ARID3B: variants seen among roughly 807,000 people sequenced by gnomAD.
The protein encoded by ARID3B is AT-rich interaction domain 3B, also known as AT-rich interactive domain-containing protein 3B.
A neutral mutation model predicts 51.9 loss-of-function variants in ARID3B; 10 were observed. The observed-to-expected ratio is 0.19, with a 90% confidence interval of 0.12 to 0.33. The LOEUF is 0.33. ARID3B is among the 10% of genes least tolerant of loss of function. The pLI is 1.00. For missense variants in ARID3B, 483 were observed against 716.3 expected (o/e 0.67, Z 3.72); for synonymous variants, 205 against 279.5 (o/e 0.73, Z 2.66).
intron 2 of ARID3B, among the ~76,000 whole-genome samples, chr15:74,557,446 C>G (rs1012506059): frequency 6.6e-6 from 1 of 151,960 alleles, no homozygotes; most frequent in Non-Finnish European, 1.5e-5. Flanking sequence ...TTGAAACTTT[C>G]AAAAAATCTT....
At chr15:74,588,363 T>C (rs935868551) in intron 4 of ARID3B, among the ~76,000 whole-genome samples, 1 of 152,080 alleles carries the variant, frequency 6.6e-6, no homozygotes, top group Non-Finnish European at 1.5e-5. Flanking sequence ...GAGGCTGCCA[T>C]TCAGAGCTGA....
chr15:74,552,077 T>TC (rs1220646348), intron 2 of ARID3B, among the ~76,000 whole-genome samples: 1 of 141,982 alleles, frequency 7.0e-6, no homozygotes, highest in East Asian at 2.1e-4. Context: ...TTTTTTTTTT[T>TC]CTGAGACGGA....
At position 74,591,757 on chromosome 15, in the gene ARID3B, C is replaced by T. The variant is rs969183637; in HGVS notation, c.1363C>T (p.Arg455Cys). ...EQRLVQQAFQ[R>C]NFFSMARQLP... ...GCGCCTGGTGCAGCAGGCCTTCCAGCGCAACTTTTTCAGCATGGCACGGCA... is the reference window on the plus strand; with the variant it reads ...GCGCCTGGTGCAGCAGGCCTTCCAGTGCAACTTTTTCAGCATGGCACGGCA... Residue 455 changes from arginine to cysteine, a missense_variant, in exon 7 of 9, where the codon CGC (arginine) becomes TGC (cysteine). Physicochemically the swap from Arg to Cys is radical, Grantham distance 180. This residue lies in a region of ARID3B where 265 missense variants were observed against 354.4 expected (regional missense o/e 0.75). Coordinates refer to ENST00000346246, the MANE Select transcript of ARID3B (RefSeq NM_006465.4). The surrounding 1 kb of genome is among the most constrained non-coding windows in gnomAD (Gnocchi z 5.8). The T allele has an allele frequency of 2.7e-5, 44 of 1,614,078 alleles. No individual in the cohort carries two copies. Among genetic ancestry groups the T allele is most frequent in the Non-Finnish European group, 3.5e-5 (41 of 1,180,048 alleles).
intron 2 of ARID3B, among the ~76,000 whole-genome samples, chr15:74,556,049 C>A (rs890256861): frequency 6.6e-6 from 1 of 152,088 alleles, no homozygotes; most frequent in Non-Finnish European, 1.5e-5. Flanking sequence ...GCCTCAGCCT[C>A]CGAAGGTGCT....
Position 74,598,100 on chromosome 15 carries a change from A to G in ARID3B, c.*2326A>G, listed in dbSNP as rs1186253731. On this transcript the variant is annotated 3_prime_UTR_variant, in exon 9 of 9. Coordinates refer to ENST00000346246, the MANE Select transcript of ARID3B (RefSeq NM_006465.4). ...CTATCTTACATGTTCTCGAATGTTT[A>G]TATTTCAATAAACCTCTACCTCTTC... 4 of 498,582 alleles carry G rather than the reference A, an allele frequency of 8.0e-6. No individual in the cohort carries two copies. The East Asian group carries it at 1.3e-4, about 16-fold the overall frequency. The allele number at this position is 498,582 out of a possible 1,614,324, so 30.9% of individuals were successfully genotyped here.
chr15:74,589,519 AACAC>A (rs947024562), intron 4 of ARID3B, among the ~76,000 whole-genome samples: 6 of 152,124 alleles, frequency 3.9e-5, no homozygotes, highest in South Asian at 2.1e-4. Flanking sequence ...CAAAAACAAA[AACAC>A]ACACACACGA....
In ARID3B at chr15:74,544,266, G is replaced by A. The variant is rs1290127339; in HGVS notation, c.330G>A (p.Val110=). Reference sequence around the variant, plus strand: ...ATGGGGATGATGAAGTTGCAGAGGTGGCTGAGAAAGAAACCCAGGCTGCTT... The same window carrying A: ...ATGGGGATGATGAAGTTGCAGAGGTAGCTGAGAAAGAAACCCAGGCTGCTT... ...DEDGDDEVAE[V]AEKETQAASK... Residue 110 remains valine, a synonymous_variant, in exon 2 of 9, where the codon GTG becomes GTA. Transcript: ENST00000346246. The A allele has an allele frequency of 1.2e-6, 2 of 1,614,188 alleles. No homozygotes were observed. The highest frequency in any genetic ancestry group is 1.1e-5 in the South Asian group (1 of 91,082).
At chr15:74,542,906 A>G (rs1211477399) in intron 1 of ARID3B, among the ~76,000 whole-genome samples, 3 of 152,208 alleles carry the variant, frequency 2.0e-5, no homozygotes, top group Non-Finnish European at 2.9e-5. Flanking sequence ...ACTGATTGGT[A>G]AGAATGCAGA....
At chr15:74,554,041 C>G (rs1199803937) in intron 2 of ARID3B, among the ~76,000 whole-genome samples, 1 of 151,936 alleles carries the variant, frequency 6.6e-6, no homozygotes, top group African/African-American at 2.4e-5. Flanking sequence ...GAGTCTCGCT[C>G]TGTCGCTCAG....
rs376752096 is a variant in ARID3B at position 74,563,339 on chromosome 15, A to G, written c.553-9523A>G. 3.2e-4 allele frequency among the ~76,000 whole-genome samples: 48 copies of G among 152,360 alleles called. 1 individual carries two copies. In the East Asian group the frequency reaches 4.6e-3, roughly 15 times the overall value. On this transcript the variant is annotated intron_variant, in intron 2 of 8. Coordinates refer to ENST00000346246, the MANE Select transcript of ARID3B (RefSeq NM_006465.4). ...CTGTGAATGCAGCTGACTTTTAAAC[A>G]CAAACTGTGACTGTGTTCTGCCTGA...
In ARID3B at chr15:74,541,559, G is replaced by A. The variant is rs1402943919; in HGVS notation, c.-78+229G>A. Among the ~76,000 whole-genome samples the A allele has an allele frequency of 3.3e-5, 5 of 152,252 alleles. No homozygotes were observed. The East Asian group carries it at 7.7e-4, about 23-fold the overall frequency. ...TGAGATAAAGCGATGAGAAGGGTGAGGGGCCCTGGAGCTGAGTGGGCGCGC... is the reference window on the plus strand; with the variant it reads ...TGAGATAAAGCGATGAGAAGGGTGAAGGGCCCTGGAGCTGAGTGGGCGCGC... On this transcript the variant is annotated intron_variant, in intron 1 of 8. Coordinates refer to ENST00000346246, the MANE Select transcript of ARID3B (RefSeq NM_006465.4).
chr15:74,550,023 C>T (rs936542338), intron 2 of ARID3B, among the ~76,000 whole-genome samples: 2 of 152,258 alleles, frequency 1.3e-5, no homozygotes, highest in Non-Finnish European at 2.9e-5. Context: ...CATCAGACAG[C>T]ACCAGAGACT....
intron 2 of ARID3B, among the ~76,000 whole-genome samples, chr15:74,549,715 C>T (rs1596250066): frequency 6.6e-6 from 1 of 152,312 alleles, no homozygotes; most frequent in East Asian, 1.9e-4. Flanking sequence ...CATGCCCTTG[C>T]CTTCTGCAGT....
At chr15:74,547,063 T>C (rs2061618444) in intron 2 of ARID3B, among the ~76,000 whole-genome samples, 2 of 152,172 alleles carry the variant, frequency 1.3e-5, no homozygotes, top group South Asian at 4.1e-4. Context: ...TCAAAATCTT[T>C]ACTTTATGAA....
intron 2 of ARID3B, among the ~76,000 whole-genome samples, chr15:74,552,369 A>G: frequency 1.2e-4 from 1 of 8,270 alleles, no homozygotes; most frequent in Non-Finnish European, 2.8e-4. Flanking sequence ...CTAATTTTGT[A>G]TTTTTGGTAG....
intron 2 of ARID3B, among the ~76,000 whole-genome samples, chr15:74,550,341 A>C (rs2061631735): frequency 6.6e-6 from 1 of 152,306 alleles, no homozygotes; most frequent in East Asian, 1.9e-4. Context: ...CTTGTTACCT[A>C]GTAACAGATT....
At chr15:74,567,730 G>A (rs1209233097) in intron 2 of ARID3B, among the ~76,000 whole-genome samples, 2 of 152,128 alleles carry the variant, frequency 1.3e-5, no homozygotes, top group African/African-American at 2.4e-5. Flanking sequence ...ATCTTCCTCA[G>A]GGTAACTTCT....
intron 2 of ARID3B, among the ~76,000 whole-genome samples, chr15:74,562,371 C>T (rs2061682378): frequency 6.6e-6 from 1 of 152,180 alleles, no homozygotes; most frequent in South Asian, 2.1e-4. Flanking sequence ...GAACTCCTGT[C>T]CTCAGGTGAT....
At chr15:74,578,170 T>TTTCTTTTG (rs1359304716) in intron 4 of ARID3B, among the ~76,000 whole-genome samples, 2 of 1,626 alleles carry the variant, frequency 1.2e-3, no homozygotes, top group Non-Finnish European at 0.016. Flanking sequence ...CTTTTTTTTG[T>TTTCTTTTG]TTTTTTTTGT....
Sources: allele counts gnomAD v4.1 joint callset (sites outside exome capture counted in the v4.1 genomes callset), GRCh38; gene constraint gnomAD v4.1.1; regional missense constraint gnomAD v4.1.1; non-coding constraint Gnocchi (gnomAD v3.1); transcripts MANE v1.5; gene names NCBI Gene and HGNC (gene_info 2026-07-23, HGNC 2026-07-21).